The following CMIP variants were observed in gnomAD, a reference collection of about 807,000 sequenced individuals.
CMIP encodes the protein c-Maf inducing protein, also known as C-Maf-inducing protein.
In CMIP, 13 loss-of-function variants were observed where a neutral mutation model predicts 97.3. The ratio of observed to expected loss-of-function variants is 0.13; its 90% CI spans 0.09 to 0.21. The LOEUF (loss-of-function observed/expected upper bound fraction) is 0.21. Ranked by LOEUF, CMIP falls within the 10% of genes least tolerant of loss-of-function variation. CMIP has a pLI of 1.00. For synonymous variants in CMIP, 538 were observed against 436.3 expected (o/e 1.23, Z -2.91); for missense variants, 847 against 1,024.9 (o/e 0.83, Z 2.37).
rs1356650207 is a variant in CMIP, at chr16:81,652,577, T to G, written c.639+213T>G. On this transcript the variant is annotated intron_variant, in intron 4 of 20. Transcript: ENST00000537098. The surrounding 1 kb of genome is among the most constrained non-coding windows in gnomAD (Gnocchi z 5.2). ...GCTTGCAGCTGTGCTGTCTGGGGAT[T>G]GTAGGCACCGAAGAGGAGGTGTTGC... 6.6e-6 allele frequency among the ~76,000 whole-genome samples: 1 copy of G among 152,060 alleles called. No individual in the cohort carries two copies.
chr16:81,696,581 G>C lies in CMIP; in HGVS notation c.1552G>C (p.Val518Leu). Reference sequence around the variant, plus strand: ...GCAGGTCCACTCATGCCTGCTGAGCGTGCGGGCCGGCAAAGATGGCTGGTT... The same window carrying C: ...GCAGGTCCACTCATGCCTGCTGAGCCTGCGGGCCGGCAAAGATGGCTGGTT... ...RQEVHSCLLS[V>L]RAGKDGWFQL... Residue 518 changes from valine (V) to leucine (L), a missense_variant, in exon 14 of 21, where the codon GTG becomes CTG. Transcript: ENST00000537098. 6.2e-7 allele frequency: 1 copy of C among 1,605,750 alleles called. No individual in the cohort carries two copies. Among genetic ancestry groups the C allele is most frequent in the South Asian group, 1.1e-5 (1 of 91,048 alleles).
intron 3 of CMIP, among the ~76,000 whole-genome samples, chr16:81,633,015 G>A (rs919939181): frequency 3.3e-5 from 5 of 152,354 alleles, no homozygotes; most frequent in Non-Finnish European, 7.3e-5. Context: ...CCGAGCGTTC[G>A]TGTGTCATCC....
At chr16:81,559,738 C>T (rs1190189921) in intron 1 of CMIP, among the ~76,000 whole-genome samples, 1 of 152,182 alleles carries the variant, frequency 6.6e-6, no homozygotes, top group Admixed American at 6.5e-5. Context: ...AAGTTACTGG[C>T]TTGTGCATTC....
chr16:81,518,835 ATTT>A (rs35435211), intron 1 of CMIP: 6 of 123,344 alleles, frequency 4.9e-5, no homozygotes, highest in Non-Finnish European at 8.3e-5. Flanking sequence ...CTGCATCTCT[ATTT>A]TTTTTTTTTT....
chr16:81,517,472 A>G (rs1010056306), intron 1 of CMIP, among the ~76,000 whole-genome samples: 3 of 152,238 alleles, frequency 2.0e-5, no homozygotes, highest in African/African-American at 7.2e-5. Flanking sequence ...GGTATTTTTT[A>G]ATATGTATAT....
At chr16:81,585,090 C>G (rs1011865004) in intron 1 of CMIP, among the ~76,000 whole-genome samples, 1 of 152,160 alleles carries the variant, frequency 6.6e-6, no homozygotes, top group Non-Finnish European at 1.5e-5. Flanking sequence ...GCCTGTAATC[C>G]CAGCACTTTG....
intron 1 of CMIP, among the ~76,000 whole-genome samples, chr16:81,457,572 G>C (rs1315613894): frequency 1.3e-5 from 2 of 152,238 alleles, no homozygotes; most frequent in African/African-American, 2.4e-5. Flanking sequence ...AACAACCCGT[G>C]ATACGTAACA....
rs182443580 is a variant in CMIP, at chr16:81,517,106, G to A, written c.300+71565G>A. Reference sequence around the variant, plus strand: ...CAAGGTCATCAGTGGAAAACCAGACGGCCTCCAAGGTCTTCAGCGAAAAAC... The same window carrying A: ...CAAGGTCATCAGTGGAAAACCAGACAGCCTCCAAGGTCTTCAGCGAAAAAC... On this transcript the variant is annotated intron_variant, in intron 1 of 20. Coordinates refer to ENST00000537098, the MANE Select transcript of CMIP (RefSeq NM_198390.3). Among the ~76,000 whole-genome samples the A allele has an allele frequency of 2.6e-5, 4 of 151,688 alleles. No individual in the cohort carries two copies. The East Asian group carries it at 5.8e-4, about 22-fold the overall frequency.
At chr16:81,598,804 T>TA (rs1035062273) in intron 1 of CMIP, among the ~76,000 whole-genome samples, 8 of 151,972 alleles carry the variant, frequency 5.3e-5, no homozygotes, top group African/African-American at 9.6e-5. Flanking sequence ...CCATGTCTAC[T>TA]AAAAAATAAC....
intron 1 of CMIP, among the ~76,000 whole-genome samples, chr16:81,558,266 C>G (rs908798928): frequency 6.6e-6 from 1 of 152,156 alleles, no homozygotes; most frequent in African/African-American, 2.4e-5. Context: ...CCGTGCTTCT[C>G]CATCCCTCCA....
intron 3 of CMIP, among the ~76,000 whole-genome samples, chr16:81,646,202 G>A (rs556820967): frequency 7.6e-6 from 1 of 131,102 alleles, no homozygotes; most frequent in African/African-American, 2.8e-5. Context: ...GTAGATGGAT[G>A]AATGAATGAG....
At chr16:81,458,919 C>T (rs1422244156) in intron 1 of CMIP, among the ~76,000 whole-genome samples, 1 of 152,078 alleles carries the variant, frequency 6.6e-6, no homozygotes, top group Non-Finnish European at 1.5e-5. Context: ...GTGGCATGTG[C>T]TCAACAGATG....
chr16:81,574,317 G>T (rs2091150950), intron 1 of CMIP, among the ~76,000 whole-genome samples: 1 of 33,070 alleles, frequency 3.0e-5, no homozygotes, highest in Non-Finnish European at 8.1e-5. Context: ...CAGCCCTTCT[G>T]GGGCTGCCTG....
At position 81,468,645 on chromosome 16, in the gene CMIP, A is replaced by G. The variant is rs184857903; in HGVS notation, c.300+23104A>G. Among the ~76,000 whole-genome samples the G allele has an allele frequency of 3.3e-5, 5 of 152,346 alleles. No homozygotes were observed. In the East Asian group the frequency reaches 9.7e-4, roughly 29 times the overall value. ...GGGTTGGGAGTGTGGAGACAACAGC[A>G]TGGGAGAAGAGAGTTATGGACAATC... On this transcript the variant is annotated intron_variant, in intron 1 of 20. Coordinates refer to ENST00000537098, the MANE Select transcript of CMIP (RefSeq NM_198390.3).
intron 1 of CMIP, among the ~76,000 whole-genome samples, chr16:81,477,159 G>A (rs564748634): frequency 1.3e-5 from 2 of 152,156 alleles, no homozygotes; most frequent in Admixed American, 1.3e-4. Context: ...TGTCGGCCCT[G>A]AACTCTTTTT....
intron 1 of CMIP, among the ~76,000 whole-genome samples, chr16:81,575,969 T>G (rs2091181967): frequency 6.6e-6 from 1 of 152,236 alleles, no homozygotes; most frequent in Admixed American, 6.5e-5. Flanking sequence ...AAATGCTTAC[T>G]TAGTGCCTGG....
At chr16:81,524,112 T>C (rs749385418) in intron 1 of CMIP, among the ~76,000 whole-genome samples, 10 of 152,206 alleles carry the variant, frequency 6.6e-5, no homozygotes, top group Non-Finnish European at 1.3e-4. Flanking sequence ...CTCTGACCTG[T>C]GAGGTGCTAG....
At chr16:81,590,415 T>G (rs2091449284) in intron 1 of CMIP, among the ~76,000 whole-genome samples, 2 of 152,176 alleles carry the variant, frequency 1.3e-5, no homozygotes, top group South Asian at 4.1e-4. Context: ...AAGAGAGAGA[T>G]GTGGGTCACC....
In CMIP at chr16:81,602,418, C is replaced by A. The variant is rs16955628; in HGVS notation, c.301-5149C>A. On this transcript the variant is annotated intron_variant, in intron 1 of 20. Transcript: ENST00000537098. ...CATCTTCCAAATTACCTTGTCTTCA[C>A]GCATTGCCTTTTTCAGTCAGGTTTG... 3.3e-5 allele frequency among the ~76,000 whole-genome samples: 5 copies of A among 152,334 alleles called. No individual in the cohort carries two copies. In the East Asian group the frequency reaches 7.7e-4, roughly 23 times the overall value.
Sources: gnomAD v4.1 joint callset for allele counts (sites outside exome capture counted in the v4.1 genomes callset) on GRCh38, gnomAD v4.1.1 for gene constraint, Gnocchi (gnomAD v3.1) non-coding constraint, MANE v1.5 for transcripts, NCBI Gene and HGNC (gene_info 2026-07-23, HGNC 2026-07-21) for gene names.